The following FGF14 variants were observed in gnomAD, a reference collection of about 807,000 sequenced individuals.
The protein encoded by FGF14 is fibroblast growth factor 14, also known as fibroblast growth factor homologous factor 4.
A neutral mutation model predicts 25.5 loss-of-function variants in FGF14; 5 were observed. The observed-to-expected ratio is 0.20, with a 90% CI of 0.10 to 0.41. The LOEUF is 0.41. FGF14 is among the 10% of genes least tolerant of loss of function. The pLI is 1.00. For synonymous variants in FGF14, 138 were observed against 118.3 expected (o/e 1.17, Z -1.08); for missense variants, 222 against 320.1 (o/e 0.69, Z 2.34).
intron 3 of FGF14, among the ~76,000 whole-genome samples, chr13:101,841,929 C>T (rs1291914688): frequency 6.6e-6 from 1 of 151,970 alleles, no homozygotes; most frequent in African/African-American, 2.4e-5. Flanking sequence ...AGAATACTCA[C>T]TCAGTATAAT....
intron 3 of FGF14, among the ~76,000 whole-genome samples, chr13:101,787,620 A>T (rs555267939): frequency 6.6e-6 from 1 of 152,266 alleles, no homozygotes; most frequent in South Asian, 2.1e-4. Flanking sequence ...GCCTCTCCTC[A>T]GAGCATGTCA....
intron 1 of FGF14, among the ~76,000 whole-genome samples, chr13:101,899,433 T>A (rs2031226217): frequency 6.6e-6 from 1 of 151,686 alleles, no homozygotes; most frequent in Non-Finnish European, 1.5e-5. Flanking sequence ...ACTGAATTAA[T>A]CAAATGGAAG....
chr13:101,913,031 A>G (rs1055886399), intron 1 of FGF14, among the ~76,000 whole-genome samples: 1 of 152,238 alleles, frequency 6.6e-6, no homozygotes, highest in African/African-American at 2.4e-5. Context: ...ACAGTGACGT[A>G]TGAAATACCA....
At chr13:102,050,068 T>C (rs1028609674) in intron 1 of FGF14, among the ~76,000 whole-genome samples, 1 of 152,138 alleles carries the variant, frequency 6.6e-6, no homozygotes, top group South Asian at 2.1e-4. Flanking sequence ...TGCTGAGACT[T>C]AGTGTTCCAT....
rs193040562 is a variant in FGF14 at position 101,934,823 on chromosome 13, C to T, written c.209-59527G>A. Reference sequence around the variant, plus strand: ...ATGTTCTACTGCTGCAGACTGTCTGCCGGGTGAGTATTTCCATGGTTCCCA... The same window carrying T: ...ATGTTCTACTGCTGCAGACTGTCTGTCGGGTGAGTATTTCCATGGTTCCCA... On this transcript the variant is annotated intron_variant, in intron 1 of 4. Coordinates refer to the FGF14 transcript ENST00000376131. Among the ~76,000 whole-genome samples, 30 of 152,242 alleles carry T rather than the reference C, an allele frequency of 2.0e-4. No homozygotes were observed. In the East Asian group the frequency reaches 4.8e-3, roughly 25 times the overall value.
At chr13:101,948,672 T>G (rs2035970059) in intron 1 of FGF14, among the ~76,000 whole-genome samples, 1 of 151,794 alleles carries the variant, frequency 6.6e-6, no homozygotes, top group Admixed American at 6.6e-5. Flanking sequence ...TCCCAATACA[T>G]AATGACAAAG....
intron 1 of FGF14, among the ~76,000 whole-genome samples, chr13:102,237,462 C>T (rs2051381245): frequency 6.6e-6 from 1 of 152,128 alleles, no homozygotes; most frequent in Non-Finnish European, 1.5e-5. Flanking sequence ...ATGCCCAGCC[C>T]CTTGAGGAGT....
Position 101,846,379 on chromosome 13 carries a change from T to C in FGF14, c.408+22346A>G, listed in dbSNP as rs75850918. Among the ~76,000 whole-genome samples the C allele has an allele frequency of 7.7e-3, 1,174 of 152,086 alleles. 16 individuals carry two copies. Among genetic ancestry groups the C allele is most frequent in the African/African-American group, 0.026 (1,098 of 41,544 alleles). ...AAAATTTGTGAATTACTTGGTAGCA[T>C]GTCAGCATATTAAGAGCTACTAAAA... On this transcript the variant is annotated intron_variant, in intron 3 of 4. Coordinates refer to ENST00000376143, the MANE Select transcript of FGF14 (RefSeq NM_004115.4).
intron 3 of FGF14, among the ~76,000 whole-genome samples, chr13:101,833,642 T>C (rs995861178): frequency 4.6e-5 from 7 of 152,088 alleles, no homozygotes; most frequent in African/African-American, 1.2e-4. Context: ...GGTGTGTGTA[T>C]ACATATGCAT....
At chr13:101,741,973 G>C (rs145589210) in intron 3 of FGF14, among the ~76,000 whole-genome samples, 23 of 152,282 alleles carry the variant, frequency 1.5e-4, no homozygotes, top group Admixed American at 1.5e-3. Flanking sequence ...TGCAGAGAAA[G>C]AAAACTAAAT....
In FGF14 at chr13:101,718,712, C is replaced by T. The variant is rs2034813616; in HGVS notation, c.*4119G>A. 1 of 151,914 alleles carries T rather than the reference C, an allele frequency of 6.6e-6. No individual in the cohort carries two copies. The highest frequency in any genetic ancestry group is 1.5e-5 in the Non-Finnish European group (1 of 67,978). 9.4% of individuals were successfully genotyped at this position (151,914 alleles called of 1,614,324 possible). A position where few individuals can be genotyped will look rare whatever the true frequency, so the allele number is the denominator to read the frequency against. ...TCCAACAGCACTTGGAAAGTACCGC[C>T]CTCCACTACCTCAAATGCAAACACA... On this transcript the variant is annotated 3_prime_UTR_variant, in exon 5 of 5. Transcript: ENST00000376143.
At chr13:102,129,437 CA>C (rs1296431396) in intron 1 of FGF14, among the ~76,000 whole-genome samples, 5 of 152,086 alleles carry the variant, frequency 3.3e-5, no homozygotes, top group African/African-American at 1.2e-4. Context: ...TTGAACCTGG[CA>C]TCAATTCTCT....
At chr13:102,256,276 A>G (rs1156882356) in intron 1 of FGF14, among the ~76,000 whole-genome samples, 2 of 152,040 alleles carry the variant, frequency 1.3e-5, no homozygotes, top group African/African-American at 2.4e-5. Context: ...TGGAAGACCG[A>G]GAGCTTAGCG....
chr13:101,863,863 C>T (rs771250597), intron 3 of FGF14, among the ~76,000 whole-genome samples: 6 of 152,038 alleles, frequency 3.9e-5, no homozygotes, highest in African/African-American at 9.7e-5. Flanking sequence ...GTGGGTTGCT[C>T]GGATGCTTTT....
intron 1 of FGF14, among the ~76,000 whole-genome samples, chr13:102,313,843 G>A (rs1322049274): frequency 3.3e-5 from 5 of 152,098 alleles, no homozygotes; most frequent in Non-Finnish European, 4.4e-5. Context: ...ACAACATCAC[G>A]TCACAAATTC....
chr13:101,876,851 G>A (rs2045424514), intron 1 of FGF14, among the ~76,000 whole-genome samples: 1 of 152,064 alleles, frequency 6.6e-6, no homozygotes, highest in Non-Finnish European at 1.5e-5. Flanking sequence ...AGACCTGACT[G>A]GGCTAAGTAC....
intron 1 of FGF14, among the ~76,000 whole-genome samples, chr13:101,895,310 T>C (rs544898667): frequency 4.7e-4 from 71 of 152,288 alleles, no homozygotes; most frequent in Non-Finnish European, 8.7e-4. Context: ...GATAATGTAA[T>C]TTTCTTACAA....
chr13:101,824,642 AAAT>A (rs2042316186), intron 3 of FGF14, among the ~76,000 whole-genome samples: 1 of 152,116 alleles, frequency 6.6e-6, no homozygotes. Flanking sequence ...GAAATCTACA[AAAT>A]AATGTCTTTT....
intron 1 of FGF14, among the ~76,000 whole-genome samples, chr13:102,163,839 C>G (rs751510683): frequency 8.5e-5 from 13 of 152,090 alleles, no homozygotes; most frequent in East Asian, 3.9e-4. Context: ...CTTGCCCCCC[C>G]CAGAAAACAT....
Sources: gnomAD v4.1 joint callset for allele counts (sites outside exome capture counted in the v4.1 genomes callset) on GRCh38, gnomAD v4.1.1 for gene constraint, MANE v1.5 for transcripts, NCBI Gene and HGNC (gene_info 2026-07-23, HGNC 2026-07-21) for gene names.